Variants in SSBP2 observed in about 807,000 individuals in gnomAD.
SSBP2 encodes single-stranded DNA-binding protein 2.
SSBP2 carries 17 observed loss-of-function variants against 61.8 expected under a neutral mutation model. That is an observed-to-expected ratio of 0.28 (90% CI 0.19 to 0.41). SSBP2 has a LOEUF of 0.41. Ranked by LOEUF, SSBP2 falls within the 10% of genes least tolerant of loss-of-function variation. The pLI, the probability that SSBP2 is intolerant of heterozygous loss-of-function variation, is 1.00. For synonymous variants in SSBP2, 139 were observed against 141.3 expected (o/e 0.98, Z 0.12); for missense variants, 310 against 458.7 (o/e 0.68, Z 2.96).
At chr5:81,583,510 G>T (rs968212590) in intron 4 of SSBP2, among the ~76,000 whole-genome samples, 1 of 151,776 alleles carries the variant, frequency 6.6e-6, no homozygotes, top group Non-Finnish European at 1.5e-5. Flanking sequence ...GGCGCCTGTA[G>T]TCCCAGCTAC....
intron 5 of SSBP2, among the ~76,000 whole-genome samples, chr5:81,493,189 CATAT>C (rs1028073570): frequency 2.6e-5 from 4 of 151,108 alleles, no homozygotes; most frequent in African/African-American, 9.7e-5. Context: ...CATTCAAAAA[CATAT>C]ATATATATTC....
At chr5:81,478,018 C>A (rs1161109146) in intron 6 of SSBP2, among the ~76,000 whole-genome samples, 2 of 151,900 alleles carry the variant, frequency 1.3e-5, no homozygotes, top group Non-Finnish European at 2.9e-5. Flanking sequence ...TCTCAGAATG[C>A]CCGAGGAGAG....
At chr5:81,495,897 A>C (rs1469444907) in intron 5 of SSBP2, among the ~76,000 whole-genome samples, 3 of 152,024 alleles carry the variant, frequency 2.0e-5, no homozygotes, top group Non-Finnish European at 4.4e-5. Context: ...AGTAAAAAAA[A>C]CCCTCTAAAA....
intron 1 of SSBP2, among the ~76,000 whole-genome samples, chr5:81,702,266 G>GGACTCAGTCCC: frequency 1.3e-5 from 2 of 152,166 alleles, no homozygotes; most frequent in Non-Finnish European, 1.5e-5. Context: ...AGCTACTCAG[G>GGACTCAGTCCC]AGGCTGAGGC....
At chr5:81,462,100 C>G (rs925810179) in intron 9 of SSBP2, among the ~76,000 whole-genome samples, 8 of 151,972 alleles carry the variant, frequency 5.3e-5, no homozygotes, top group Admixed American at 3.9e-4. Context: ...TTCCTTGGGC[C>G]ACACTGGAAG....
At chr5:81,451,942 T>C (rs1763800625) in intron 10 of SSBP2, among the ~76,000 whole-genome samples, 1 of 152,234 alleles carries the variant, frequency 6.6e-6, no homozygotes, top group African/African-American at 2.4e-5. Flanking sequence ...CTCCTAGCCC[T>C]AGGACCAGTA....
At chr5:81,656,033 G>A (rs992833453) in intron 1 of SSBP2, among the ~76,000 whole-genome samples, 1 of 152,048 alleles carries the variant, frequency 6.6e-6, no homozygotes, top group African/African-American at 2.4e-5. Flanking sequence ...TATACAATTA[G>A]AAGGGAATTA....
chr5:81,435,084 G>C (rs1210418002), intron 15 of SSBP2, among the ~76,000 whole-genome samples: 1 of 152,132 alleles, frequency 6.6e-6, no homozygotes, highest in African/African-American at 2.4e-5. Context: ...AATGAGATGC[G>C]TAGGAACTCA....
intron 1 of SSBP2, among the ~76,000 whole-genome samples, chr5:81,667,286 T>TACACACACAC (rs71605804): frequency 2.5e-3 from 339 of 133,812 alleles, no homozygotes; most frequent in Middle Eastern, 0.012. Context: ...GGGATACAGA[T>TACACACACAC]ACACACACAC....
chr5:81,570,219 C>T (rs1194351481), intron 4 of SSBP2, among the ~76,000 whole-genome samples: 1 of 152,086 alleles, frequency 6.6e-6, no homozygotes, highest in African/African-American at 2.4e-5. Flanking sequence ...CACATAGTCC[C>T]CCACACATAT....
At chr5:81,596,071 T>C (rs887531544) in intron 4 of SSBP2, among the ~76,000 whole-genome samples, 15 of 152,188 alleles carry the variant, frequency 9.9e-5, no homozygotes, top group African/African-American at 3.4e-4. Flanking sequence ...GACGACATGA[T>C]TGTATATCTA....
At position 81,504,175 on chromosome 5, in the gene SSBP2, T is replaced by C. The variant is rs953055561; in HGVS notation, c.372+9453A>G. Among the ~76,000 whole-genome samples the C allele has an allele frequency of 2.0e-5, 3 of 152,292 alleles. No individual in the cohort carries two copies. The East Asian group carries it at 5.8e-4, about 29-fold the overall frequency. ...ATCTGTTGGCTCTAGTATCAAAATATATAATCTAATTACTTCTCACCACTG... is the reference window on the plus strand; with the variant it reads ...ATCTGTTGGCTCTAGTATCAAAATACATAATCTAATTACTTCTCACCACTG... On this transcript the variant is annotated intron_variant, in intron 5 of 16. Transcript: ENST00000320672.
At position 81,593,172 on chromosome 5, in the gene SSBP2, G is replaced by A. The variant is rs139745215; in HGVS notation, c.282+22301C>T. On this transcript the variant is annotated intron_variant, in intron 4 of 16. Transcript: ENST00000320672. ...GGACCTGATGGAGATGAAAACCAAG[G>A]CACGAGAGCTACATGACAAATGCAG... Among the ~76,000 whole-genome samples the A allele has an allele frequency of 4.1e-4, 63 of 152,276 alleles. 1 individual carries two copies. In the East Asian group the frequency reaches 0.011, roughly 26 times the overall value.
At chr5:81,458,426 A>C (rs2153992957) in intron 10 of SSBP2, among the ~76,000 whole-genome samples, 3 of 152,360 alleles carry the variant, frequency 2.0e-5, no homozygotes, top group East Asian at 3.9e-4. Flanking sequence ...GTTTATGTAG[A>C]GAGAGGAAAT....
rs148984759 is a variant in SSBP2, at chr5:81,548,643, C to T, written c.283-34926G>A. 4.1e-3 allele frequency among the ~76,000 whole-genome samples: 623 copies of T among 152,284 alleles called. 3 individuals carry two copies. The highest frequency in any genetic ancestry group is 0.014 in the African/African-American group (593 of 41,562). ...TATATTTAAAAATGTACAATATTGG[C>T]CAGGCACAGTGGCTCACGCCTGTAA... On this transcript the variant is annotated intron_variant, in intron 4 of 16. Coordinates refer to ENST00000320672, the MANE Select transcript of SSBP2 (RefSeq NM_012446.5).
chr5:81,446,909 C>G lies in SSBP2; in HGVS notation c.737G>C (p.Gly246Ala). 1 of 1,604,224 alleles carries G rather than the reference C, an allele frequency of 6.2e-7. No homozygotes were observed. Among genetic ancestry groups the G allele is most frequent in the Admixed American group, 1.7e-5 (1 of 58,578 alleles). Residue 246 changes from glycine to alanine, a missense_variant, in exon 12 of 17, where the codon GGT becomes GCT. Transcript: ENST00000320672. ...GATGGGTGTTCCTGGTGGCCCTCCA[C>G]CTCCTGGAGGACCCTAAATAATTAT...
chr5:81,465,103 G>C (rs1561432463), intron 9 of SSBP2, among the ~76,000 whole-genome samples: 1 of 151,808 alleles, frequency 6.6e-6, no homozygotes. Context: ...ACATTTCATT[G>C]TCCTTGAAGG....
chr5:81,444,377 T>C (rs1019802346), intron 12 of SSBP2, among the ~76,000 whole-genome samples: 1 of 152,220 alleles, frequency 6.6e-6, no homozygotes, highest in Non-Finnish European at 1.5e-5. Context: ...ATCGAAGGGC[T>C]ATCTCAAATG....
At chr5:81,645,311 G>A (rs1305423627) in intron 2 of SSBP2, among the ~76,000 whole-genome samples, 1 of 152,088 alleles carries the variant, frequency 6.6e-6, no homozygotes, top group Non-Finnish European at 1.5e-5. Context: ...TAGGTAAAAG[G>A]CAAACAGAAC....
Sources: gnomAD v4.1 joint callset for allele counts (sites outside exome capture counted in the v4.1 genomes callset) on GRCh38, gnomAD v4.1.1 for gene constraint, MANE v1.5 for transcripts, NCBI Gene and HGNC (gene_info 2026-07-23, HGNC 2026-07-21) for gene names.